The following SHB variants were observed in gnomAD, a reference collection of about 807,000 sequenced individuals.
SHB encodes SH2 domain containing adaptor protein B.
SHB carries 20 observed loss-of-function variants against 52.3 expected under a neutral mutation model. The ratio of observed to expected loss-of-function variants is 0.38; its 90% confidence interval spans 0.27 to 0.56. SHB has a LOEUF of 0.56. Ranked by LOEUF, SHB falls within the 20% of genes least tolerant of loss-of-function variation. The pLI is 0.71. For synonymous variants in SHB, 397 were observed against 316.5 expected (o/e 1.25, Z -2.70); for missense variants, 825 against 723.3 (o/e 1.14, Z -1.61).
intron 2 of SHB, among the ~76,000 whole-genome samples, chr9:37,982,567 C>T (rs763270832): frequency 5.3e-5 from 8 of 151,194 alleles, no homozygotes; most frequent in African/African-American, 9.7e-5. Flanking sequence ...CCGAGGCGGG[C>T]GGATCATGAG....
At chr9:38,059,319 C>A (rs1422361420) in intron 1 of SHB, among the ~76,000 whole-genome samples, 1 of 136,918 alleles carries the variant, frequency 7.3e-6, no homozygotes, top group African/African-American at 2.7e-5. Context: ...TTACGTGTTG[C>A]TTGGAAAACA....
chr9:38,011,996 A>G (rs1587243131), intron 2 of SHB, among the ~76,000 whole-genome samples: 1 of 152,066 alleles, frequency 6.6e-6, no homozygotes, highest in South Asian at 2.1e-4. Context: ...AGCAGAACAT[A>G]CCTCCTGCCG....
intron 2 of SHB, chr9:38,015,280 C>T: frequency 1.6e-6 from 1 of 610,008 alleles, no homozygotes; most frequent in East Asian, 2.8e-5. Context: ...ATCCTGCCTA[C>T]AAGATGACTG....
intron 1 of SHB, among the ~76,000 whole-genome samples, chr9:38,018,618 G>A (rs985196414): frequency 6.6e-6 from 1 of 152,188 alleles, no homozygotes; most frequent in African/African-American, 2.4e-5. Flanking sequence ...TTGGTGGAGG[G>A]AAAGAAATTT....
chr9:37,980,547 G>C (rs182773854), intron 2 of SHB, among the ~76,000 whole-genome samples: 56 of 152,256 alleles, frequency 3.7e-4, no homozygotes, highest in African/African-American at 1.3e-3. Flanking sequence ...TGTGAGGACT[G>C]GACTCTTCTT....
intron 1 of SHB, among the ~76,000 whole-genome samples, chr9:38,028,572 G>C (rs1178539911): frequency 1.3e-5 from 2 of 152,338 alleles, no homozygotes; most frequent in East Asian, 3.9e-4. Flanking sequence ...GGCCACACCA[G>C]AATTGCGAAG....
chr9:37,983,958 C>T lies in SHB; in HGVS notation c.839-9121G>A, dbSNP rs571084551. Among the ~76,000 whole-genome samples, 3 of 152,340 alleles carry T rather than the reference C, an allele frequency of 2.0e-5. No individual in the cohort carries two copies. The East Asian group carries it at 5.8e-4, about 29-fold the overall frequency. On this transcript the variant is annotated intron_variant, in intron 2 of 5. Coordinates refer to ENST00000377707, the MANE Select transcript of SHB (RefSeq NM_003028.3). ...AGCACTGTGTGCTGGGTGAAAACAC[C>T]GATCCCACTAGAGTGCTTAGTCTGA...
chr9:38,030,600 A>T (rs1182545584), intron 1 of SHB, among the ~76,000 whole-genome samples: 2 of 152,214 alleles, frequency 1.3e-5, no homozygotes, highest in Non-Finnish European at 2.9e-5. Flanking sequence ...CTAGCTTCAC[A>T]GGTGAGTGGC....
intron 3 of SHB, among the ~76,000 whole-genome samples, chr9:37,961,746 G>A (rs570599475): frequency 4.9e-4 from 75 of 152,342 alleles, no homozygotes; most frequent in African/African-American, 1.7e-3. Context: ...ATCTCCTGGG[G>A]TAGGTTTTGC....
At chr9:38,019,934 C>A (rs1005137501) in intron 1 of SHB, among the ~76,000 whole-genome samples, 2 of 151,964 alleles carry the variant, frequency 1.3e-5, no homozygotes, top group African/African-American at 4.8e-5. Context: ...TGAGCTGGCA[C>A]AGCACTCCAT....
At chr9:37,962,637 G>C in intron 3 of SHB, among the ~76,000 whole-genome samples, 1 of 151,776 alleles carries the variant, frequency 6.6e-6, no homozygotes, top group East Asian at 1.9e-4. Context: ...CTCCCAAGCA[G>C]TAGGGACTAC....
At chr9:37,981,120 T>C (rs1046457454) in intron 2 of SHB, among the ~76,000 whole-genome samples, 3 of 152,246 alleles carry the variant, frequency 2.0e-5, no homozygotes, top group African/African-American at 7.2e-5. Flanking sequence ...CAGCCTGTCC[T>C]TTGAAGCTTT....
At chr9:37,922,706 G>A (rs1832197923) in intron 5 of SHB, among the ~76,000 whole-genome samples, 1 of 152,182 alleles carries the variant, frequency 6.6e-6, no homozygotes, top group Admixed American at 6.5e-5. Flanking sequence ...CCATTCTCAG[G>A]CAGAGGGAGA....
intron 1 of SHB, among the ~76,000 whole-genome samples, chr9:38,063,339 G>A (rs1821918535): frequency 1.3e-5 from 2 of 152,174 alleles, no homozygotes; most frequent in South Asian, 4.1e-4. Flanking sequence ...TCACAACTCC[G>A]CAGCAAGGCA....
chr9:37,963,987 G>A (rs753425858), intron 3 of SHB, among the ~76,000 whole-genome samples: 1 of 152,238 alleles, frequency 6.6e-6, no homozygotes, highest in Admixed American at 6.5e-5. Flanking sequence ...CCGAGGCCCA[G>A]AGAGGTGAGG....
At chr9:37,930,434 T>G (rs1295772511) in intron 5 of SHB, among the ~76,000 whole-genome samples, 5 of 151,790 alleles carry the variant, frequency 3.3e-5, no homozygotes, top group Admixed American at 3.3e-4. Flanking sequence ...GGAGGGGACA[T>G]GCAGGGAGGG....
At chr9:37,975,326 A>G (rs1252532492) in intron 2 of SHB, among the ~76,000 whole-genome samples, 1 of 152,128 alleles carries the variant, frequency 6.6e-6, no homozygotes, top group Non-Finnish European at 1.5e-5. Context: ...AAGAACCAAC[A>G]AGAGCCTCCC....
chr9:37,962,954 T>C (rs1832709885), intron 3 of SHB, among the ~76,000 whole-genome samples: 1 of 152,206 alleles, frequency 6.6e-6, no homozygotes, highest in South Asian at 2.1e-4. Flanking sequence ...ACGCCCGGTA[T>C]GGTTAGGTAA....
chr9:38,026,454 T>A (rs1821345523), intron 1 of SHB, among the ~76,000 whole-genome samples: 1 of 152,214 alleles, frequency 6.6e-6, no homozygotes, highest in Non-Finnish European at 1.5e-5. Flanking sequence ...TCATGCACAT[T>A]TCCCACAGGG....
Sources: allele counts gnomAD v4.1 joint callset (sites outside exome capture counted in the v4.1 genomes callset), GRCh38; gene constraint gnomAD v4.1.1; transcripts MANE v1.5; gene names NCBI Gene and HGNC (gene_info 2026-07-23, HGNC 2026-07-21).